Variants in COMMD7 observed in about 807,000 individuals in gnomAD.
COMMD7 encodes COMM domain containing 7, also known as COMM domain-containing protein 7.
A neutral mutation model predicts 34.8 loss-of-function variants in COMMD7; 28 were observed. That is an observed-to-expected ratio of 0.80 (90% CI 0.60 to 1.10). The LOEUF (loss-of-function observed/expected upper bound fraction) is 1.10, where lower values mean the gene tolerates loss of function less well. Among genes scored for constraint, COMMD7 ranks in the 50% least tolerant of loss-of-function variants. The pLI is 0.00. For missense variants in COMMD7, 211 were observed against 241.6 expected (o/e 0.87, Z 0.84); for synonymous variants, 80 against 86.4 (o/e 0.93, Z 0.41).
intron 5 of COMMD7, 26 bp from the exon 6 acceptor site, chr20:32,704,930 C>T (rs1312906623): frequency 1.3e-6 from 2 of 1,539,992 alleles, no homozygotes; most frequent in Non-Finnish European, 1.8e-6. Flanking sequence ...AAGACAAAGT[C>T]AATTACAATA....
chr20:32,727,842 G>T, intron 3 of COMMD7, 51 bp downstream of exon 3: 1 of 1,405,660 alleles, frequency 7.1e-7, no homozygotes, highest in Non-Finnish European at 1.0e-6. Context: ...TGGACTAAAG[G>T]AATGTTCAAG....
chr20:32,731,995 GA>G lies in COMMD7; in HGVS notation c.85-3854del, dbSNP rs560885198. Among the ~76,000 whole-genome samples, 419 of 152,346 alleles carry G rather than the reference GA, an allele frequency of 2.8e-3. 1 individual carries two copies. Among genetic ancestry groups the G allele is most frequent in the Non-Finnish European group, 4.5e-3 (306 of 68,030 alleles). On this transcript the variant is annotated intron_variant, in intron 1 of 8. Transcript: ENST00000278980. ...GTTTGACTAGGACACCAGTGCTGGT[GA>G]AAGTACAAGGAAGCAGACAGGTTCC...
intron 3 of COMMD7, among the ~76,000 whole-genome samples, chr20:32,725,858 C>G (rs1442059816): frequency 2.0e-5 from 3 of 151,636 alleles, no homozygotes; most frequent in African/African-American, 7.3e-5. Context: ...TGAAACCAGC[C>G]TGGCCAGCAT....
intron 1 of COMMD7, among the ~76,000 whole-genome samples, chr20:32,732,691 C>T (rs910902362): frequency 6.6e-6 from 1 of 150,894 alleles, no homozygotes; most frequent in East Asian, 2.0e-4. Context: ...CTTTGGGAGG[C>T]GGAGGTGGGT....
chr20:32,712,975 G>A (rs566207761), intron 3 of COMMD7, among the ~76,000 whole-genome samples: 3 of 151,404 alleles, frequency 2.0e-5, no homozygotes, highest in East Asian at 1.9e-4. Context: ...CTCGTGATCC[G>A]CCTGCCTTGG....
rs910335824 is a variant in COMMD7, at chr20:32,719,446, C to T, written c.241+8447G>A. On this transcript the variant is annotated intron_variant, in intron 3 of 8. Transcript: ENST00000278980. Reference sequence around the variant, plus strand: ...GGTGGATCACCTGAGGTCAGGAGTTCGAGACCAGCCTGGCCAACAAGGTGA... The same window carrying T: ...GGTGGATCACCTGAGGTCAGGAGTTTGAGACCAGCCTGGCCAACAAGGTGA... Among the ~76,000 whole-genome samples the T allele has an allele frequency of 1.6e-4, 25 of 152,152 alleles. 1 individual carries two copies. Among genetic ancestry groups the T allele is most frequent in the South Asian group, 4.2e-4 (2 of 4,808 alleles).
At chr20:32,704,176 AG>A (rs1382468023) in intron 7 of COMMD7, 105 bp from the exon 8 acceptor site, 3 of 981,830 alleles carry the variant, frequency 3.1e-6, no homozygotes, top group Non-Finnish European at 4.5e-6. Flanking sequence ...AGAGTCATAC[AG>A]GAGCAGTCTG....
At chr20:32,708,006 T>G (rs1434612013) in intron 3 of COMMD7, among the ~76,000 whole-genome samples, 1 of 152,186 alleles carries the variant, frequency 6.6e-6, no homozygotes, top group African/African-American at 2.4e-5. Context: ...TTCTATTGGA[T>G]GGCATTGTCC....
chr20:32,710,462 A>G lies in COMMD7; in HGVS notation c.242-3702T>C, dbSNP rs539353839. On this transcript the variant is annotated intron_variant, in intron 3 of 8. Coordinates refer to ENST00000278980, the MANE Select transcript of COMMD7 (RefSeq NM_053041.3). ...ATCCAGGCTTAAAAAAAATTATGTA[A>G]GGCCAAGTGCTGTCATCCCAGCACT... Among the ~76,000 whole-genome samples the G allele has an allele frequency of 8.5e-5, 13 of 152,226 alleles. No homozygotes were observed. In the South Asian group the frequency reaches 2.3e-3, roughly 27 times the overall value.
At position 32,726,445 on chromosome 20, in the gene COMMD7, T is replaced by C. The variant is rs574069236; in HGVS notation, c.241+1448A>G. ...GCCCAGGCACAGGGACTCACTCCTG[T>C]AATCCTAACACTTTGGGAGACTGAG... is the stretch of plus-strand genomic sequence containing the variant. On this transcript the variant is annotated intron_variant, in intron 3 of 8. Transcript: ENST00000278980. 8.5e-5 allele frequency among the ~76,000 whole-genome samples: 13 copies of C among 152,240 alleles called. No individual in the cohort carries two copies. The South Asian group carries it at 2.7e-3, about 32-fold the overall frequency.
chr20:32,714,165 A>AAAAATAG (rs1341961819), intron 3 of COMMD7, among the ~76,000 whole-genome samples: 1 of 152,016 alleles, frequency 6.6e-6, no homozygotes, highest in East Asian at 1.9e-4. Flanking sequence ...TGCCATGGAG[A>AAAAATAG]AAAATAGTAG....
At chr20:32,715,097 G>C (rs1984700986) in intron 3 of COMMD7, among the ~76,000 whole-genome samples, 1 of 151,884 alleles carries the variant, frequency 6.6e-6, no homozygotes, top group Admixed American at 6.6e-5. Flanking sequence ...AGCCTGGGGA[G>C]ATCGAGGCTG....
chr20:32,737,275 CAGG>C (rs1986181159), intron 1 of COMMD7, among the ~76,000 whole-genome samples: 3 of 150,398 alleles, frequency 2.0e-5, no homozygotes, highest in African/African-American at 7.3e-5. Flanking sequence ...GAGGCTGAGG[CAGG>C]AGAATTGCTT....
chr20:32,703,312 C>G lies in COMMD7; in HGVS notation c.*70G>C. 3 of 1,414,070 alleles carry G rather than the reference C, an allele frequency of 2.1e-6. No homozygotes were observed. Among genetic ancestry groups the G allele is most frequent in the Non-Finnish European group, 2.0e-6 (2 of 1,014,500 alleles). 87.6% of individuals were successfully genotyped at this position (1,414,070 alleles called of 1,614,324 possible). On this transcript the variant is annotated 3_prime_UTR_variant, in exon 9 of 9. Coordinates refer to ENST00000278980, the MANE Select transcript of COMMD7 (RefSeq NM_053041.3). ...TCCCACAGGCCTGTGAGTGAAGTGC[C>G]TCTCAGAGCAGTCACCCAGGGAAGG...
chr20:32,730,499 G>A (rs1345667100), intron 1 of COMMD7, among the ~76,000 whole-genome samples: 3 of 152,094 alleles, frequency 2.0e-5, no homozygotes, highest in Non-Finnish European at 2.9e-5. Context: ...AGGTTGCAGT[G>A]AGTGGAGATC....
chr20:32,728,251 T>C (rs973752784), intron 1 of COMMD7, 109 bp from the exon 2 acceptor site: 7 of 932,980 alleles, frequency 7.5e-6, no homozygotes, highest in African/African-American at 1.6e-5. Context: ...AACAGCCAGG[T>C]GTTATGCCTG....
chr20:32,735,079 A>G (rs1317780982), intron 1 of COMMD7, among the ~76,000 whole-genome samples: 2 of 149,952 alleles, frequency 1.3e-5, no homozygotes, highest in Non-Finnish European at 3.0e-5. Context: ...TCTACTAAAA[A>G]CATAAAAAAT....
chr20:32,735,045 C>A (rs2040145729), intron 1 of COMMD7, among the ~76,000 whole-genome samples: 1 of 151,870 alleles, frequency 6.6e-6, no homozygotes, highest in African/African-American at 2.4e-5. Flanking sequence ...CAAGACCAGA[C>A]TGGCAAACAT....
chr20:32,730,366 C>G (rs1472811659), intron 1 of COMMD7, among the ~76,000 whole-genome samples: 1 of 151,898 alleles, frequency 6.6e-6, no homozygotes, highest in Non-Finnish European at 1.5e-5. Context: ...ACCAGCCTGA[C>G]CAACATGGTG....
Sources: allele counts gnomAD v4.1 joint callset (sites outside exome capture counted in the v4.1 genomes callset), GRCh38; gene constraint gnomAD v4.1.1; transcripts MANE v1.5; gene names NCBI Gene and HGNC (gene_info 2026-07-23, HGNC 2026-07-21).